The following ANKHD1 variants were observed in gnomAD, a reference collection of about 807,000 sequenced individuals.
ANKHD1 encodes the protein ankyrin repeat and KH domain-containing protein 1.
Under a neutral mutation model 230.5 loss-of-function variants are expected in ANKHD1, and 31 were observed. The observed-to-expected ratio is 0.13, with a 90% confidence interval of 0.10 to 0.18. ANKHD1 has a LOEUF of 0.18. ANKHD1 is among the 10% of genes least tolerant of loss of function. ANKHD1 has a pLI of 1.00. For synonymous variants in ANKHD1, 1,074 were observed against 1,117.6 expected, an observed-to-expected ratio of 0.96 and a Z score of 0.78; for missense variants, 2,256 against 3,071.3, an observed-to-expected ratio of 0.73 and a Z score of 6.27.
chr5:140,476,532 AGAT>A (rs1362436382), intron 10 of ANKHD1, among the ~76,000 whole-genome samples: 1 of 152,152 alleles, frequency 6.6e-6, no homozygotes, highest in African/African-American at 2.4e-5. Context: ...AAATTACAGA[AGAT>A]GATGGGAAGT....
In ANKHD1 at chr5:140,429,454, C is replaced by G. The variant is rs578242508; in HGVS notation, c.307-6650C>G. On this transcript the variant is annotated intron_variant, in intron 1 of 33. Transcript: ENST00000360839. ...TTTGTGGCTACTAATATTTGACTCT[C>G]TAACTCAAAATATAAATTTATTTAA... Among the ~76,000 whole-genome samples the G allele has an allele frequency of 1.6e-4, 25 of 152,210 alleles. No homozygotes were observed. In the East Asian group the frequency reaches 3.3e-3, roughly 20 times the overall value.
chr5:140,539,153 T>C lies in ANKHD1; in HGVS notation c.7569+70T>C, dbSNP rs560093951. The C allele has an allele frequency of 5.8e-5, 89 of 1,541,292 alleles. 1 individual carries two copies. The East Asian group carries it at 2.0e-3, about 34-fold the overall frequency. On this transcript the variant is annotated intron_variant, in intron 33 of 33. Coordinates refer to ENST00000360839, the MANE Select transcript of ANKHD1 (RefSeq NM_017747.3). ...CATTCTTTTTGTTTTGTGAGAAGTA[T>C]AAGTACTGAATATCAAAAGTCATAA...
intron 14 of ANKHD1, among the ~76,000 whole-genome samples, chr5:140,488,810 G>A (rs1280846071): frequency 6.6e-6 from 1 of 151,922 alleles, no homozygotes; most frequent in African/African-American, 2.4e-5. Context: ...TGAGGCATGA[G>A]AATCACTTGA....
chr5:140,464,883 T>A, intron 10 of ANKHD1, 107 bp downstream of exon 10: 1 of 1,164,542 alleles, frequency 8.6e-7, no homozygotes, highest in Non-Finnish European at 1.1e-6. Context: ...TTGTATACAG[T>A]AACTTAAAAA....
intron 5 of ANKHD1, among the ~76,000 whole-genome samples, chr5:140,441,694 A>G (rs868360169): frequency 6.6e-6 from 1 of 152,212 alleles, no homozygotes; most frequent in Non-Finnish European, 1.5e-5. Context: ...AGCTTGATGT[A>G]TAACATGAGG....
intron 1 of ANKHD1, among the ~76,000 whole-genome samples, chr5:140,433,041 A>T (rs1209984863): frequency 1.3e-5 from 2 of 150,288 alleles, no homozygotes; most frequent in Non-Finnish European, 1.5e-5. Context: ...TTCATCTCCA[A>T]GCCCCACCCC....
intron 6 of ANKHD1, among the ~76,000 whole-genome samples, chr5:140,447,077 T>C (rs976240801): frequency 1.3e-5 from 2 of 152,070 alleles, no homozygotes; most frequent in Non-Finnish European, 2.9e-5. Flanking sequence ...TCTGGCTAAT[T>C]TTTGTATTTT....
chr5:140,525,937 C>T, intron 25 of ANKHD1, 59 bp from the exon 26 acceptor site: 2 of 1,500,904 alleles, frequency 1.3e-6, no homozygotes, highest in South Asian at 2.8e-5. Flanking sequence ...TATATTCTGT[C>T]AGAATTTGTT....
chr5:140,429,763 ATAT>A (rs372367133), intron 1 of ANKHD1, among the ~76,000 whole-genome samples: 118 of 152,310 alleles, frequency 7.7e-4, no homozygotes, highest in East Asian at 6.9e-3. Context: ...GTAATATGAG[ATAT>A]TATTATTTTA....
chr5:140,401,916 G>A lies in ANKHD1; in HGVS notation c.-52G>A. On this transcript the variant is annotated 5_prime_UTR_variant, in exon 1 of 34. Coordinates refer to ENST00000360839, the MANE Select transcript of ANKHD1 (RefSeq NM_017747.3). ...GCTCTTCTCGTTCCCGAGATCAGCG[G>A]CGGCGGTGACCGCGAGTGGGTCGGC... The A allele has an allele frequency of 6.6e-7, 1 of 1,522,182 alleles. No individual in the cohort carries two copies. The highest frequency in any genetic ancestry group is 8.7e-7 in the Non-Finnish European group (1 of 1,143,524). 94.3% of individuals were successfully genotyped at this position (1,522,182 alleles called of 1,614,324 possible).
At chr5:140,450,411 A>C (rs1774633293) in intron 7 of ANKHD1, among the ~76,000 whole-genome samples, 1 of 151,414 alleles carries the variant, frequency 6.6e-6, no homozygotes, top group African/African-American at 2.4e-5. Flanking sequence ...CTCGTGCATC[A>C]GCCTCCCAAG....
intron 4 of ANKHD1, 151 bp downstream of exon 4, chr5:140,440,417 C>T (rs1773767668): frequency 5.0e-6 from 6 of 1,206,018 alleles, no homozygotes; most frequent in African/African-American, 1.6e-5. Flanking sequence ...AAAGTAGAAA[C>T]AGATAACACA....
At chr5:140,432,097 A>T (rs988099994) in intron 1 of ANKHD1, among the ~76,000 whole-genome samples, 2 of 152,220 alleles carry the variant, frequency 1.3e-5, no homozygotes, top group Non-Finnish European at 2.9e-5. Context: ...TTGAGATATA[A>T]TTCGTATGCC....
At position 140,511,865 on chromosome 5, in the gene ANKHD1, A is replaced by G. The variant is rs1752784529; in HGVS notation, c.4105-963A>G. On this transcript the variant is annotated intron_variant, in intron 22 of 33. Transcript: ENST00000360839. Reference sequence around the variant, plus strand: ...AGAGGCAAGCATTTCTCTGATTTGTATCTCCATCACACTAATTCTTAAGGA... The same window carrying G: ...AGAGGCAAGCATTTCTCTGATTTGTGTCTCCATCACACTAATTCTTAAGGA... Among the ~76,000 whole-genome samples the G allele has an allele frequency of 5.3e-5, 8 of 152,342 alleles. No individual in the cohort carries two copies. The South Asian group carries it at 1.7e-3, about 32-fold the overall frequency.
chr5:140,513,820 A>G (rs973694782), intron 24 of ANKHD1, among the ~76,000 whole-genome samples: 71 of 149,904 alleles, frequency 4.7e-4, no homozygotes, highest in African/African-American at 1.2e-3. Flanking sequence ...AAAAAAAAAA[A>G]AAAGAAAGAA....
In ANKHD1 at chr5:140,445,866, C is replaced by T. The variant is rs1320989996; in HGVS notation, c.1038C>T (p.Ala346=). Residue 346 remains alanine (A), a synonymous_variant, in exon 6 of 34, where the codon GCC becomes GCT. Coordinates refer to ENST00000360839, the MANE Select transcript of ANKHD1 (RefSeq NM_017747.3). ...GACATACTCCCTTAATGGAAGCAGCCAGTGCAGGTCATGTGGAAGTTGCAA... is the reference window on the plus strand; with the variant it reads ...GACATACTCCCTTAATGGAAGCAGCTAGTGCAGGTCATGTGGAAGTTGCAA... ...ENGHTPLMEA[A]SAGHVEVARV... 1 of 1,613,632 alleles carries T rather than the reference C, an allele frequency of 6.2e-7. No individual in the cohort carries two copies.
At chr5:140,448,201 G>A (rs970557793) in intron 6 of ANKHD1, among the ~76,000 whole-genome samples, 3 of 152,138 alleles carry the variant, frequency 2.0e-5, no homozygotes, top group Non-Finnish European at 2.9e-5. Flanking sequence ...GTCTCTTAAA[G>A]TGAGAAAGAA....
intron 14 of ANKHD1, among the ~76,000 whole-genome samples, chr5:140,491,119 C>CATATAT (rs1240035842): frequency 4.3e-5 from 2 of 46,930 alleles, no homozygotes; most frequent in African/African-American, 1.2e-4. Context: ...CACACACACA[C>CATATAT]ATATATATAT....
intron 14 of ANKHD1, among the ~76,000 whole-genome samples, chr5:140,488,501 G>A (rs1203120324): frequency 3.3e-5 from 5 of 151,608 alleles, no homozygotes; most frequent in African/African-American, 9.7e-5. Flanking sequence ...CAGGAGAATC[G>A]CTTGAAGCCA....
Sources: allele counts gnomAD v4.1 joint callset (sites outside exome capture counted in the v4.1 genomes callset), GRCh38; gene constraint gnomAD v4.1.1; transcripts MANE v1.5; gene names NCBI Gene and HGNC (gene_info 2026-07-23, HGNC 2026-07-21).